CDH12: variants seen among roughly 807,000 people sequenced by gnomAD.
CDH12 encodes cadherin 12.
A neutral mutation model predicts 74.1 loss-of-function variants in CDH12; 41 were observed. That is an observed-to-expected ratio of 0.55 (90% CI 0.43 to 0.72). CDH12 has a LOEUF of 0.72. Among genes scored for constraint, CDH12 ranks in the 30% least tolerant of loss-of-function variants. CDH12 has a pLI of 0.00. For synonymous variants in CDH12, 399 were observed against 355.0 expected, an observed-to-expected ratio of 1.12 and a Z score of -1.39; for missense variants, 945 against 977.2, an observed-to-expected ratio of 0.97 and a Z score of 0.44.
chr5:22,473,277 T>C (rs1465411556), intron 2 of CDH12, among the ~76,000 whole-genome samples: 1 of 152,146 alleles, frequency 6.6e-6, no homozygotes, highest in East Asian at 1.9e-4. Context: ...TCACTCTTTA[T>C]ATACTTACAC....
At chr5:21,883,640 G>T (rs775800119) in intron 6 of CDH12, 38 of 1,611,888 alleles carry the variant, frequency 2.4e-5, no homozygotes, top group Non-Finnish European at 3.1e-5. Context: ...AGGTCATTGT[G>T]ACCAAAGACG....
At chr5:22,059,312 T>C (rs1031236475) in intron 5 of CDH12, among the ~76,000 whole-genome samples, 3 of 151,558 alleles carry the variant, frequency 2.0e-5, no homozygotes, top group Non-Finnish European at 2.9e-5. Context: ...CTATCTATCA[T>C]CTATCCATCT....
intron 1 of CDH12, among the ~76,000 whole-genome samples, chr5:22,722,310 G>A (rs1452132092): frequency 1.3e-5 from 2 of 152,158 alleles, no homozygotes; most frequent in Non-Finnish European, 2.9e-5. Context: ...AGTATGTGGT[G>A]GTGTTTTGCT....
chr5:21,855,863 A>C (rs561568265), intron 6 of CDH12, among the ~76,000 whole-genome samples: 8 of 151,724 alleles, frequency 5.3e-5, no homozygotes, highest in Non-Finnish European at 1.2e-4. Context: ...TAAAAGAATG[A>C]ATTACTTTTT....
Position 21,998,827 on chromosome 5 carries a change from GTCTT to G in CDH12, c.232-23446_232-23443del, listed in dbSNP as rs531567082. On this transcript the variant is annotated intron_variant, in intron 5 of 14. Transcript: ENST00000382254. ...CATGATAGACAGTACCCTAGGCTCT[GTCTT>G]TCTTTGTTCTTTTCCTTCTCAAGGG... Among the ~76,000 whole-genome samples the G allele has an allele frequency of 3.9e-4, 59 of 152,208 alleles. 2 individuals carry two copies. In the South Asian group the frequency reaches 0.012, roughly 31 times the overall value.
chr5:21,970,212 C>CGAAT (rs1756776689), intron 6 of CDH12, among the ~76,000 whole-genome samples: 1 of 152,140 alleles, frequency 6.6e-6, no homozygotes, highest in African/African-American at 2.4e-5. Flanking sequence ...TTGCACAAGG[C>CGAAT]GAATGTCTTT....
intron 3 of CDH12, among the ~76,000 whole-genome samples, chr5:22,265,616 C>A (rs1753676656): frequency 6.6e-6 from 1 of 152,040 alleles, no homozygotes; most frequent in African/African-American, 2.4e-5. Context: ...TAGAAGTCAT[C>A]AGTTGTAGAT....
chr5:22,282,165 G>T (rs563595802), intron 3 of CDH12, among the ~76,000 whole-genome samples: 5 of 152,064 alleles, frequency 3.3e-5, no homozygotes, highest in Non-Finnish European at 7.4e-5. Flanking sequence ...TTTAATAAAT[G>T]GTGTTGGGAA....
intron 6 of CDH12, among the ~76,000 whole-genome samples, chr5:21,872,224 A>G (rs765134301): frequency 1.5e-4 from 23 of 152,184 alleles, no homozygotes; most frequent in Non-Finnish European, 2.6e-4. Context: ...ATGATTTGGT[A>G]TTCAGTCCAA....
At chr5:22,164,211 G>T (rs1218607465) in intron 4 of CDH12, among the ~76,000 whole-genome samples, 1 of 152,142 alleles carries the variant, frequency 6.6e-6, no homozygotes, top group Non-Finnish European at 1.5e-5. Context: ...TCTCTGACTT[G>T]GGGTTCTTGG....
chr5:22,637,836 T>C (rs1338770253), intron 1 of CDH12, among the ~76,000 whole-genome samples: 1 of 152,236 alleles, frequency 6.6e-6, no homozygotes, highest in Admixed American at 6.5e-5. Flanking sequence ...GTTAGTAATG[T>C]CTACTTATAG....
intron 6 of CDH12, among the ~76,000 whole-genome samples, chr5:21,856,507 G>T (rs957028138): frequency 4.6e-5 from 7 of 151,708 alleles, no homozygotes; most frequent in Non-Finnish European, 1.5e-5. Context: ...TGAGAAATAA[G>T]AAATATTTAG....
chr5:22,437,834 G>T (rs933689418), intron 2 of CDH12, among the ~76,000 whole-genome samples: 1 of 151,880 alleles, frequency 6.6e-6, no homozygotes, highest in African/African-American at 2.4e-5. Flanking sequence ...AGTTTAGATA[G>T]ATATACCTCA....
rs1739646548 is a variant in CDH12, at chr5:22,649,962, T to C, written c.-522-144598A>G. ...TATATGCTTACACATTCATTTATTT[T>C]ACCGAATAGTTATATGTATATTTTT... On this transcript the variant is annotated intron_variant, in intron 1 of 14. Transcript: ENST00000382254. Among the ~76,000 whole-genome samples the C allele has an allele frequency of 2.6e-5, 4 of 152,014 alleles. No individual in the cohort carries two copies. In the South Asian group the frequency reaches 8.3e-4, roughly 31 times the overall value.
intron 5 of CDH12, among the ~76,000 whole-genome samples, chr5:22,034,159 C>T (rs1024349885): frequency 1.3e-5 from 2 of 152,072 alleles, no homozygotes; most frequent in Non-Finnish European, 2.9e-5. Context: ...CTCAGTCTCC[C>T]AAGTAGTGGA....
At chr5:22,500,847 T>C (rs1747301191) in intron 2 of CDH12, among the ~76,000 whole-genome samples, 1 of 152,116 alleles carries the variant, frequency 6.6e-6, no homozygotes, top group Non-Finnish European at 1.5e-5. Flanking sequence ...TACACAGACA[T>C]CTGCAAACTA....
At chr5:21,952,078 C>G (rs1755887703) in intron 6 of CDH12, among the ~76,000 whole-genome samples, 2 of 152,186 alleles carry the variant, frequency 1.3e-5, no homozygotes, top group Non-Finnish European at 2.9e-5. Context: ...TGTAAATCAT[C>G]TGTTATTGAG....
intron 1 of CDH12, among the ~76,000 whole-genome samples, chr5:22,703,779 C>A (rs1006985368): frequency 1.3e-5 from 2 of 152,040 alleles, no homozygotes; most frequent in African/African-American, 4.8e-5. Flanking sequence ...GACAATAAAA[C>A]TTTAAATAAA....
At chr5:22,009,939 CAAAAAAAAA>C (rs774589642) in intron 5 of CDH12, among the ~76,000 whole-genome samples, 3 of 54,346 alleles carry the variant, frequency 5.5e-5, no homozygotes, top group Non-Finnish European at 8.1e-5. Context: ...GAAACTGTCT[CAAAAAAAAA>C]AAAAAAAAAA....
Sources: allele counts gnomAD v4.1 joint callset (sites outside exome capture counted in the v4.1 genomes callset), GRCh38; gene constraint gnomAD v4.1.1; transcripts MANE v1.5; gene names NCBI Gene and HGNC (gene_info 2026-07-23, HGNC 2026-07-21).